The following CSNK2A2 variants were observed in gnomAD, a reference collection of about 807,000 sequenced individuals.
CSNK2A2 encodes casein kinase 2 alpha 2.
A neutral mutation model predicts 54.0 loss-of-function variants in CSNK2A2; 8 were observed. That is an observed-to-expected ratio of 0.15 (90% confidence interval 0.09 to 0.27). CSNK2A2 has a LOEUF of 0.27. Ranked by LOEUF, CSNK2A2 falls within the 10% of genes least tolerant of loss-of-function variation. The pLI, the probability that CSNK2A2 is intolerant of heterozygous loss-of-function variation, is 1.00. For synonymous variants in CSNK2A2, 141 were observed against 153.9 expected (o/e 0.92, Z 0.62); for missense variants, 242 against 439.4 (o/e 0.55, Z 4.02).
At chr16:58,190,970 G>A (rs1962308521) in intron 2 of CSNK2A2, among the ~76,000 whole-genome samples, 1 of 152,176 alleles carries the variant, frequency 6.6e-6, no homozygotes, top group South Asian at 2.1e-4. Context: ...AAACATGGAA[G>A]CAACCCATCC....
chr16:58,167,161 T>G (rs1961589289), intron 8 of CSNK2A2, 46 bp downstream of exon 8: 1 of 1,364,560 alleles, frequency 7.3e-7, no homozygotes, highest in Non-Finnish European at 1.0e-6. Context: ...GCTATTTTTT[T>G]GGCATTCACC....
chr16:58,166,758 G>T, intron 8 of CSNK2A2, 74 bp from the exon 9 acceptor site: 11 of 1,034,064 alleles, frequency 1.1e-5, no homozygotes, highest in Non-Finnish European at 1.7e-5. Flanking sequence ...ACTGCACCAA[G>T]GAATCAGAAG....
intron 11 of CSNK2A2, chr16:58,161,546 C>CACACACAGACAG (rs372634548): frequency 1.9e-4 from 28 of 150,436 alleles, no homozygotes; most frequent in African/African-American, 7.0e-4. Flanking sequence ...CAGACACACA[C>CACACACAGACAG]ACAGACACAC....
chr16:58,165,947 G>A (rs1375685590), intron 9 of CSNK2A2, among the ~76,000 whole-genome samples: 2 of 152,142 alleles, frequency 1.3e-5, no homozygotes, highest in African/African-American at 4.8e-5. Flanking sequence ...AGAATATGTG[G>A]AACCTTTCTA....
chr16:58,197,576 G>A lies in CSNK2A2; in HGVS notation c.104+57C>T. 1.6e-6 allele frequency: 2 copies of A among 1,275,526 alleles called. No individual in the cohort carries two copies. Among genetic ancestry groups the A allele is most frequent in the Non-Finnish European group, 2.2e-6 (2 of 926,484 alleles). 79.0% of individuals were successfully genotyped at this position (1,275,526 alleles called of 1,614,324 possible). ...CCGGGCCCGAGTGCGGTTCGCAGGG[G>A]GTGGCCGGGCGGGGGCAGGGATCAG... On this transcript the variant is annotated intron_variant, in intron 1 of 11. Coordinates refer to ENST00000262506, the MANE Select transcript of CSNK2A2 (RefSeq NM_001896.4). The surrounding 1 kb of genome is among the most constrained non-coding windows in gnomAD (Gnocchi z 4.0).
At chr16:58,179,101 C>T (rs562050803) in intron 4 of CSNK2A2, among the ~76,000 whole-genome samples, 3 of 152,206 alleles carry the variant, frequency 2.0e-5, no homozygotes, top group Admixed American at 6.5e-5. Context: ...TTGTGGTTTG[C>T]ATAGGAAAAC....
chr16:58,165,519 T>C (rs757845052), intron 10 of CSNK2A2, 41 bp downstream of exon 10: 4 of 1,545,862 alleles, frequency 2.6e-6, no homozygotes, highest in Admixed American at 2.1e-5. Flanking sequence ...ATTTGTTCTC[T>C]TGACTGAATT....
rs770358029 is a variant in CSNK2A2 at position 58,166,559 on chromosome 16, C to A, written c.827+25G>T. 46 of 1,482,684 alleles carry A rather than the reference C, an allele frequency of 3.1e-5. No individual in the cohort carries two copies. The South Asian group carries it at 5.1e-4, about 16-fold the overall frequency. The allele number at this position is 1,482,684 out of a possible 1,614,324, so 91.8% of individuals were successfully genotyped here. A position where few individuals can be genotyped will look rare whatever the true frequency, so the allele number is the denominator to read the frequency against. On this transcript the variant is annotated intron_variant, in intron 9 of 11. Coordinates refer to ENST00000262506, the MANE Select transcript of CSNK2A2 (RefSeq NM_001896.4). ...ACTTCTGAAACGGGGTAAGGTAAAG[C>A]ACTCTCTCTCTCTCTCTTACTTACT...
At chr16:58,160,298 C>T (rs886954717) in intron 11 of CSNK2A2, 4 of 152,162 alleles carry the variant, frequency 2.6e-5, no homozygotes, top group African/African-American at 7.2e-5. Flanking sequence ...TGACTCTGAT[C>T]GGTTATTATC....
At chr16:58,182,614 C>T (rs1962085705) in intron 4 of CSNK2A2, among the ~76,000 whole-genome samples, 1 of 150,758 alleles carries the variant, frequency 6.6e-6, no homozygotes, top group Non-Finnish European at 1.5e-5. Context: ...ACACATGTAG[C>T]AGACAATTGG....
chr16:58,197,791 G>A lies in CSNK2A2; in HGVS notation c.-55C>T. On this transcript the variant is annotated 5_prime_UTR_variant, in exon 1 of 12. Transcript: ENST00000262506. This position sits in a 1 kb window ranked among gnomAD's most constrained non-coding sequence, Gnocchi z 4.0. ...CGCAGAGGGTGGCGGCGGCGGCGCG[G>A]CGGGGGACGCGGGGCGTCGGGCGGA... 2.4e-6 allele frequency: 1 copy of A among 413,580 alleles called. No homozygotes were observed. The highest frequency in any genetic ancestry group is 3.2e-6 in the Non-Finnish European group (1 of 309,802). The allele number at this position is 413,580 out of a possible 1,614,324, so 25.6% of individuals were successfully genotyped here.
At chr16:58,178,846 T>C (rs990148271) in intron 4 of CSNK2A2, among the ~76,000 whole-genome samples, 4 of 152,212 alleles carry the variant, frequency 2.6e-5, no homozygotes, top group Non-Finnish European at 5.9e-5. Context: ...CAAATGATCA[T>C]GTACTAAAGT....
chr16:58,188,151 G>A (rs770278302), intron 2 of CSNK2A2, among the ~76,000 whole-genome samples: 1 of 152,172 alleles, frequency 6.6e-6, no homozygotes, highest in Non-Finnish European at 1.5e-5. Flanking sequence ...CAGAGAAGGA[G>A]AGGACTATGA....
intron 2 of CSNK2A2, among the ~76,000 whole-genome samples, chr16:58,191,231 T>C (rs1265724143): frequency 8.5e-5 from 13 of 152,206 alleles, no homozygotes; most frequent in Non-Finnish European, 1.8e-4. Flanking sequence ...AAATAGGTAG[T>C]TACTGTTTAA....
intron 7 of CSNK2A2, 101 bp from the exon 8 acceptor site, chr16:58,167,409 T>C: frequency 1.3e-6 from 1 of 780,076 alleles, no homozygotes; most frequent in Non-Finnish European, 2.0e-6. Flanking sequence ...CAGGGTGGTA[T>C]GGCCATAGAT....
Position 58,183,237 on chromosome 16 carries a change from G to GGTA in CSNK2A2, c.369+1020_369+1022dup, listed in dbSNP as rs1326397225. 4.6e-5 allele frequency among the ~76,000 whole-genome samples: 7 copies of GGTA among 151,878 alleles called. 1 individual carries two copies. The highest frequency in any genetic ancestry group is 3.4e-3 in the Middle Eastern group (1 of 294). On this transcript the variant is annotated intron_variant, in intron 4 of 11. Transcript: ENST00000262506. Reference sequence around the variant, plus strand: ...AATTAAAAAAAAAAAATTAGCTGGGGGTAGTAGTGCATGCCTGTAATCTCA... The same window carrying GGTA: ...AATTAAAAAAAAAAAATTAGCTGGGGGTAGTAGTAGTGCATGCCTGTAATCTCA...
In CSNK2A2 at chr16:58,167,776, C is replaced by A. The variant is rs1351945441; in HGVS notation, c.533G>T (p.Gly178Val). Residue 178 changes from glycine to valine, a missense_variant, in exon 7 of 12, where the codon GGT becomes GTT. By Grantham distance (109) the Gly-to-Val change is moderately radical. Coordinates refer to ENST00000262506, the MANE Select transcript of CSNK2A2 (RefSeq NM_001896.4). ...AGCAGGATGATAGAATTCTGCCAGA[C>A]CCCAATCTATCAGTCGCAGCTACAA... is the stretch of plus-strand genomic sequence containing the variant. ...QQKKLRLIDW[G>V]LAEFYHPAQE... The A allele has an allele frequency of 6.2e-7, 1 of 1,613,836 alleles. No homozygotes were observed. Among genetic ancestry groups the A allele is most frequent in the Admixed American group, 1.7e-5 (1 of 59,998 alleles).
At chr16:58,183,827 T>C (rs911096481) in intron 4 of CSNK2A2, among the ~76,000 whole-genome samples, 1 of 152,218 alleles carries the variant, frequency 6.6e-6, no homozygotes, top group Non-Finnish European at 1.5e-5. Context: ...CATTTCTTTG[T>C]ACGTCACGTG....
intron 7 of CSNK2A2, 27 bp from the exon 8 acceptor site, chr16:58,167,335 C>T: frequency 6.5e-7 from 1 of 1,535,880 alleles, no homozygotes; most frequent in Non-Finnish European, 8.9e-7. Context: ...AACGCATTAG[C>T]CAAGGGTATT....
Sources: gnomAD v4.1 joint callset for allele counts (sites outside exome capture counted in the v4.1 genomes callset) on GRCh38, gnomAD v4.1.1 for gene constraint, Gnocchi (gnomAD v3.1) non-coding constraint, MANE v1.5 for transcripts, NCBI Gene and HGNC (gene_info 2026-07-23, HGNC 2026-07-21) for gene names.